The following KIF26A variants were observed in gnomAD, a reference collection of about 807,000 sequenced individuals.
KIF26A encodes the protein kinesin family member 26A.
A neutral mutation model predicts 126.0 loss-of-function variants in KIF26A; 74 were observed. The ratio of observed to expected loss-of-function variants is 0.59; its 90% CI spans 0.49 to 0.71. The LOEUF (loss-of-function observed/expected upper bound fraction) is 0.71. Ranked by LOEUF, KIF26A falls within the 30% of genes least tolerant of loss-of-function variation. The pLI, the probability that KIF26A is intolerant of heterozygous loss-of-function variation, is 0.00. For missense variants in KIF26A, 2,984 were observed against 2,763.3 expected, an observed-to-expected ratio of 1.08 and a Z score of -1.79; for synonymous variants, 1,445 against 1,232.7, an observed-to-expected ratio of 1.17 and a Z score of -3.61.
In KIF26A at chr14:104,151,755, C is replaced by A. The variant is rs764045365; in HGVS notation, c.289-260C>A. Among the ~76,000 whole-genome samples, 18 of 152,374 alleles carry A rather than the reference C, an allele frequency of 1.2e-4. No individual in the cohort carries two copies. Among genetic ancestry groups the A allele is most frequent in the African/African-American group, 4.3e-4 (18 of 41,588 alleles). ...GGAGCCGCAAACCTGCCTTGTTAGC[C>A]GCAGGCCGGGGCGCTTAATGACGGC... On this transcript the variant is annotated intron_variant, in intron 2 of 14. Transcript: ENST00000423312. The surrounding 1 kb of genome is among the most constrained non-coding windows in gnomAD (Gnocchi z 4.9).
At chr14:104,179,100 C>T in intron 13 of KIF26A, 136 bp from the exon 14 acceptor site, 1 of 1,078,570 alleles carries the variant, frequency 9.3e-7, no homozygotes, top group Non-Finnish European at 1.3e-6. Flanking sequence ...GGTCCGCCCC[C>T]TGCCCGCCCT....
chr14:104,175,377 C>T lies in KIF26A; in HGVS notation c.2589C>T (p.Gly863=). Residue 863 remains glycine (G), a synonymous_variant, in exon 12 of 15, where the codon GGC becomes GGT. Coordinates refer to ENST00000423312, the MANE Select transcript of KIF26A (RefSeq NM_015656.2). ...GNEGPSGGPG[G]TDGAQASPAR... ...AGGGTCCCTCAGGAGGTCCAGGTGGCACCGACGGAGCTCAGGCCAGCCCCG... is the reference window on the plus strand; with the variant it reads ...AGGGTCCCTCAGGAGGTCCAGGTGGTACCGACGGAGCTCAGGCCAGCCCCG... The T allele has an allele frequency of 6.3e-7, 1 of 1,599,102 alleles. No individual in the cohort carries two copies. The highest frequency in any genetic ancestry group is 8.5e-7 in the Non-Finnish European group (1 of 1,177,434).
intron 5 of KIF26A, among the ~76,000 whole-genome samples, chr14:104,169,901 C>T (rs532986310): frequency 2.8e-4 from 42 of 152,316 alleles, no homozygotes; most frequent in Non-Finnish European, 5.6e-4. Flanking sequence ...CCTGTCATTT[C>T]CCTGCAGTAA....
At chr14:104,171,045 G>A (rs1566862914) in intron 5 of KIF26A, among the ~76,000 whole-genome samples, 1 of 152,384 alleles carries the variant, frequency 6.6e-6, no homozygotes, top group Non-Finnish European at 1.5e-5. Context: ...CCCCAAGCCT[G>A]CAGTGGGGCC....
At chr14:104,139,396 T>G in intron 2 of KIF26A, 108 bp downstream of exon 2, 1 of 1,282,692 alleles carries the variant, frequency 7.8e-7, no homozygotes, top group Non-Finnish European at 1.0e-6. Context: ...CTGCTGCTGT[T>G]TCCACAAAGA....
At chr14:104,157,694 C>T (rs1425752269) in intron 3 of KIF26A, 61 bp from the exon 4 acceptor site, 10 of 1,529,300 alleles carry the variant, frequency 6.5e-6, no homozygotes, top group Non-Finnish European at 6.2e-6. Context: ...ACTCCGGGTG[C>T]CAGGGGGCAG....
chr14:104,178,164 T>C (rs1299988375), intron 12 of KIF26A, among the ~76,000 whole-genome samples: 1 of 152,176 alleles, frequency 6.6e-6, no homozygotes, highest in Non-Finnish European at 1.5e-5. Flanking sequence ...CTGGTCTGTG[T>C]CTGGGTGAGC....
In KIF26A at chr14:104,180,248, T is replaced by G. The variant is rs1566868476; in HGVS notation, c.*458T>G. ...GGTCTTTCAGGATTCAGGATGACTT[T>G]TCTTTTACAATGGTTTCCTCTCGGC... On this transcript the variant is annotated 3_prime_UTR_variant, in exon 15 of 15. Coordinates refer to ENST00000423312, the MANE Select transcript of KIF26A (RefSeq NM_015656.2). The G allele has an allele frequency of 6.4e-6, 1 of 155,562 alleles. No homozygotes were observed. The highest frequency in any genetic ancestry group is 1.4e-5 in the Non-Finnish European group (1 of 70,450). 9.6% of individuals were successfully genotyped at this position (155,562 alleles called of 1,614,324 possible).
chr14:104,172,674 C>T lies in KIF26A; in HGVS notation c.1420+6C>T. On this transcript the variant is annotated splice_donor_region_variant and intron_variant, in intron 7 of 14. Coordinates refer to ENST00000423312, the MANE Select transcript of KIF26A (RefSeq NM_015656.2). ...CTTTGGCCACATGAGCCTGGGTAAG[C>T]ACCCTTGCCCCACCCTAGATGGGTC... The T allele has an allele frequency of 6.2e-7, 1 of 1,604,270 alleles. No individual in the cohort carries two copies. Among genetic ancestry groups the T allele is most frequent in the African/African-American group, 1.3e-5 (1 of 74,852 alleles).
intron 2 of KIF26A, among the ~76,000 whole-genome samples, chr14:104,150,269 G>C (rs1230857531): frequency 1.4e-5 from 2 of 145,946 alleles, no homozygotes; most frequent in Non-Finnish European, 3.0e-5. Context: ...TGACCTCAGC[G>C]AATCTCCGAA....
intron 4 of KIF26A, among the ~76,000 whole-genome samples, chr14:104,164,957 A>G (rs1185029628): frequency 4.2e-5 from 6 of 143,380 alleles, no homozygotes; most frequent in South Asian, 2.2e-4. Flanking sequence ...CTGTATGCAT[A>G]TGTGTCTCTA....
At chr14:104,167,829 G>T (rs2037921505) in intron 5 of KIF26A, among the ~76,000 whole-genome samples, 1 of 147,488 alleles carries the variant, frequency 6.8e-6, no homozygotes, top group South Asian at 2.5e-4. Flanking sequence ...GCCCCCTCCC[G>T]CCCAGCACCC....
intron 2 of KIF26A, among the ~76,000 whole-genome samples, chr14:104,141,389 C>T (rs1441962845): frequency 6.6e-6 from 1 of 152,234 alleles, no homozygotes; most frequent in South Asian, 2.1e-4. Flanking sequence ...TTACAGGGAA[C>T]TTCACAATCA....
At chr14:104,167,545 G>A (rs1419451768) in intron 5 of KIF26A, among the ~76,000 whole-genome samples, 1 of 152,146 alleles carries the variant, frequency 6.6e-6, no homozygotes. Context: ...AGGGCACAGG[G>A]CCTCCATCAG....
chr14:104,150,864 C>T (rs1288496879), intron 2 of KIF26A, among the ~76,000 whole-genome samples: 1 of 152,196 alleles, frequency 6.6e-6, no homozygotes, highest in Non-Finnish European at 1.5e-5. Context: ...GTCACAGCCA[C>T]AGCAGCGCTG....
At chr14:104,167,810 CT>C (rs1240869854) in intron 5 of KIF26A, among the ~76,000 whole-genome samples, 9 of 152,144 alleles carry the variant, frequency 5.9e-5, no homozygotes, top group Non-Finnish European at 1.0e-4. Context: ...TCGGCCTGCT[CT>C]GCAGCCAGCC....
chr14:104,172,509 C>T, intron 6 of KIF26A, 66 bp from the exon 7 acceptor site: 1 of 1,238,692 alleles, frequency 8.1e-7, no homozygotes, highest in Non-Finnish European at 1.2e-6. Flanking sequence ...GACAGACCGG[C>T]CTCAGGCCCA....
chr14:104,175,167 G>A lies in KIF26A; in HGVS notation c.2379G>A (p.Val793=). The change falls in exon 12 of 15, where the codon GTG becomes GTA. Residue 793 remains valine (V), a synonymous_variant. Coordinates refer to ENST00000423312, the MANE Select transcript of KIF26A (RefSeq NM_015656.2). The stretch of plus-strand genomic sequence containing the variant: ...AGTCCTGTGACACGGTCATCTACGT[G>A]GGGCCCGGTGGGGCGGCGCTGTCAG... ...SEQSCDTVIY[V]GPGGAALSDR... is the part of the protein sequence containing the mutation. The A allele has an allele frequency of 1.2e-6, 2 of 1,606,628 alleles. 1 individual carries two copies. Among genetic ancestry groups the A allele is most frequent in the Admixed American group, 3.4e-5 (2 of 59,356 alleles).
chr14:104,173,337 A>T lies in KIF26A; in HGVS notation c.1691A>T (p.Asn564Ile). The T allele has an allele frequency of 6.2e-7, 1 of 1,607,232 alleles. No homozygotes were observed. ...EDPVCGAQLQ[N>I]QSELRAPTAE... Reference sequence around the variant, plus strand: ...CCTCTGCCTTTCCTGCAGCTCCAGAACCAAAGCGAGCTGCGGGCACCCACG... The same window carrying T: ...CCTCTGCCTTTCCTGCAGCTCCAGATCCAAAGCGAGCTGCGGGCACCCACG... Residue 564 changes from asparagine to isoleucine, a missense_variant, in exon 9 of 15, where the codon AAC becomes ATC. Coordinates refer to ENST00000423312, the MANE Select transcript of KIF26A (RefSeq NM_015656.2).
Sources: allele counts gnomAD v4.1 joint callset (sites outside exome capture counted in the v4.1 genomes callset), GRCh38; gene constraint gnomAD v4.1.1; non-coding constraint Gnocchi (gnomAD v3.1); transcripts MANE v1.5; gene names NCBI Gene and HGNC (gene_info 2026-07-23, HGNC 2026-07-21).